Variants in DCC observed in about 807,000 individuals in gnomAD.
DCC encodes the protein netrin receptor DCC.
DCC carries 58 observed loss-of-function variants against 172.5 expected under a neutral mutation model. The ratio of observed to expected loss-of-function variants is 0.34; its 90% CI spans 0.27 to 0.42. DCC has a LOEUF of 0.42. Ranked by LOEUF, DCC falls within the 10% of genes least tolerant of loss-of-function variation. The pLI is 1.00. For synonymous variants in DCC, 709 were observed against 644.5 expected (o/e 1.10, Z -1.52); for missense variants, 1,740 against 1,791.0 (o/e 0.97, Z 0.51).
intron 1 of DCC, among the ~76,000 whole-genome samples, chr18:52,611,320 G>A (rs1012646160): frequency 9.9e-5 from 15 of 152,232 alleles, no homozygotes; most frequent in Middle Eastern, 3.4e-3. Context: ...ACATCTAGTA[G>A]AAATCTTTAT....
intron 1 of DCC, among the ~76,000 whole-genome samples, chr18:52,711,859 C>T (rs1192929464): frequency 6.6e-6 from 1 of 152,128 alleles, no homozygotes; most frequent in Non-Finnish European, 1.5e-5. Flanking sequence ...CTGTATAATC[C>T]CTGACTTTTC....
rs549591661 is a variant in DCC at position 52,979,644 on chromosome 18, T to C, written c.985+54274T>C. ...CAAAGAATAGCAAATAACAACCTTT[T>C]GCATAGCTTGTGTTCAGAGTTACCC... is the stretch of plus-strand genomic sequence containing the variant. On this transcript the variant is annotated intron_variant, in intron 5 of 28. Transcript: ENST00000442544. 2.0e-5 allele frequency among the ~76,000 whole-genome samples: 3 copies of C among 152,314 alleles called. No individual in the cohort carries two copies. In the East Asian group the frequency reaches 5.8e-4, roughly 29 times the overall value.
At chr18:52,823,692 T>G (rs114977526) in intron 2 of DCC, among the ~76,000 whole-genome samples, 1 of 152,200 alleles carries the variant, frequency 6.6e-6, no homozygotes, top group Non-Finnish European at 1.5e-5. Flanking sequence ...ATCAGAATCA[T>G]AGCTCTGATT....
intron 1 of DCC, among the ~76,000 whole-genome samples, chr18:52,568,603 A>AT (rs201950538): frequency 8.6e-5 from 13 of 151,724 alleles, no homozygotes; most frequent in Admixed American, 2.6e-4. Flanking sequence ...AATAAATATT[A>AT]TTTTTTTTCA....
intron 7 of DCC, among the ~76,000 whole-genome samples, chr18:53,090,270 C>A (rs974550356): frequency 6.6e-6 from 1 of 152,078 alleles, no homozygotes; most frequent in African/African-American, 2.4e-5. Flanking sequence ...GTAGCAAATA[C>A]AACTCTAACA....
intron 2 of DCC, among the ~76,000 whole-genome samples, chr18:52,854,714 GA>G (rs2039025387): frequency 6.6e-6 from 1 of 152,204 alleles, no homozygotes; most frequent in African/African-American, 2.4e-5. Context: ...TGCTTGTACA[GA>G]AGTTGTTTAT....
In DCC at chr18:52,468,319, C is replaced by T. The variant is rs141482053; in HGVS notation, c.91+127441C>T. 4.3e-3 allele frequency among the ~76,000 whole-genome samples: 651 copies of T among 152,146 alleles called. 2 individuals are homozygous for T. The highest frequency in any genetic ancestry group is 6.3e-3 in the Non-Finnish European group (429 of 67,974). On this transcript the variant is annotated intron_variant, in intron 1 of 28. Coordinates refer to ENST00000442544, the MANE Select transcript of DCC (RefSeq NM_005215.4). ...GTAGTAACCACAAAAAATTGTCCAT[C>T]GAAAAAGATTGATGTTGGTAGAGCA...
chr18:53,264,154 C>T (rs1024018149), intron 12 of DCC, among the ~76,000 whole-genome samples: 5 of 152,044 alleles, frequency 3.3e-5, no homozygotes, highest in African/African-American at 1.2e-4. Flanking sequence ...GTCCTGTCAA[C>T]ATGAAATTAT....
At chr18:52,853,403 A>T (rs2145344789) in intron 2 of DCC, among the ~76,000 whole-genome samples, 1 of 152,360 alleles carries the variant, frequency 6.6e-6, no homozygotes, top group Non-Finnish European at 1.5e-5. Context: ...TGTTTGTTAC[A>T]ATACAGCGTA....
intron 12 of DCC, among the ~76,000 whole-genome samples, chr18:53,219,014 G>A (rs1223916388): frequency 2.0e-5 from 3 of 151,932 alleles, no homozygotes; most frequent in Non-Finnish European, 4.4e-5. Flanking sequence ...AAGTTGCTTG[G>A]GTCCTTTTAT....
intron 5 of DCC, among the ~76,000 whole-genome samples, chr18:52,992,852 A>G (rs1245905185): frequency 6.6e-6 from 1 of 151,902 alleles, no homozygotes; most frequent in Non-Finnish European, 1.5e-5. Context: ...GTACATGCCT[A>G]TCGTAATCCC....
chr18:52,576,150 A>G (rs956464914), intron 1 of DCC, among the ~76,000 whole-genome samples: 45 of 152,372 alleles, frequency 3.0e-4, no homozygotes, highest in African/African-American at 1.1e-3. Context: ...GGAAAAGAGA[A>G]AAGATACCGG....
At chr18:52,771,646 G>A (rs2037345575) in intron 2 of DCC, among the ~76,000 whole-genome samples, 3 of 152,140 alleles carry the variant, frequency 2.0e-5, no homozygotes, top group Non-Finnish European at 4.4e-5. Flanking sequence ...TTTTATCTAT[G>A]TGAGGGAGGT....
intron 1 of DCC, among the ~76,000 whole-genome samples, chr18:52,540,017 G>C (rs1333858798): frequency 6.6e-6 from 1 of 152,144 alleles, no homozygotes; most frequent in Non-Finnish European, 1.5e-5. Context: ...GTTGTGCCAT[G>C]TGATGTTCAG....
rs115271981 is a variant in DCC at position 52,442,895 on chromosome 18, G to A, written c.91+102017G>A. Among the ~76,000 whole-genome samples the A allele has an allele frequency of 2.3e-3, 350 of 152,258 alleles. 2 individuals carry two copies. Among genetic ancestry groups the A allele is most frequent in the African/African-American group, 7.8e-3 (322 of 41,540 alleles). Reference sequence around the variant, plus strand: ...AGTCATGGGGATCAGGGGTAAAGCAGGTGGTAAGCTGCAAAGCTCCAACCC... The same window carrying A: ...AGTCATGGGGATCAGGGGTAAAGCAAGTGGTAAGCTGCAAAGCTCCAACCC... On this transcript the variant is annotated intron_variant, in intron 1 of 28. Transcript: ENST00000442544.
At chr18:53,128,333 A>T (rs1326516878) in intron 7 of DCC, among the ~76,000 whole-genome samples, 1 of 152,082 alleles carries the variant, frequency 6.6e-6, no homozygotes, top group Admixed American at 6.6e-5. Flanking sequence ...TCTTGAAGAG[A>T]TGTTGCATAG....
Position 52,752,258 on chromosome 18 carries a change from T to C in DCC, c.296T>C (p.Ile99Thr). ...KQQLSNGSLL[I>T]QNILHSRHHK... ...CAACTTTCAAATGGGTCTCTGCTGATACAAAACATACTTCATTCCAGACAC... is the reference window on the plus strand; with the variant it reads ...CAACTTTCAAATGGGTCTCTGCTGACACAAAACATACTTCATTCCAGACAC... The change falls in exon 2 of 29, where the codon ATA (isoleucine) becomes ACA (threonine). Residue 99 changes from isoleucine to threonine, a missense_variant. Physicochemically the swap from Ile to Thr is moderately conservative, Grantham distance 89. Transcript: ENST00000442544. 6.2e-7 allele frequency: 1 copy of C among 1,614,210 alleles called. No homozygotes were observed. The highest frequency in any genetic ancestry group is 8.5e-7 in the Non-Finnish European group (1 of 1,180,050).
intron 3 of DCC, among the ~76,000 whole-genome samples, chr18:52,907,697 C>T (rs974562063): frequency 6.6e-6 from 1 of 152,164 alleles, no homozygotes; most frequent in Non-Finnish European, 1.5e-5. Flanking sequence ...GCTGGGATTA[C>T]AGGCGTGAGC....
At chr18:52,979,038 G>C (rs1598992980) in intron 5 of DCC, among the ~76,000 whole-genome samples, 1 of 152,116 alleles carries the variant, frequency 6.6e-6, no homozygotes. Context: ...GTACCTTTTT[G>C]ATAGGACTTT....
Sources: allele counts gnomAD v4.1 joint callset (sites outside exome capture counted in the v4.1 genomes callset), GRCh38; gene constraint gnomAD v4.1.1; transcripts MANE v1.5; gene names NCBI Gene and HGNC (gene_info 2026-07-23, HGNC 2026-07-21).